The following SFT2D1 variants were observed in gnomAD, a reference collection of about 807,000 sequenced individuals.
SFT2D1 encodes SFT2 domain containing 1, also known as vesicle transport protein SFT2A.
Under a neutral mutation model 28.1 loss-of-function variants are expected in SFT2D1, and 24 were observed. The observed-to-expected ratio is 0.85, with a 90% CI of 0.62 to 1.20. SFT2D1 has a LOEUF of 1.20. Among genes scored for constraint, SFT2D1 ranks in the 50% most tolerant of loss-of-function variants. SFT2D1 has a pLI of 0.00. For synonymous variants in SFT2D1, 82 were observed against 73.7 expected (o/e 1.11, Z -0.58); for missense variants, 181 against 190.9 (o/e 0.95, Z 0.31).
intron 1 of SFT2D1, among the ~76,000 whole-genome samples, chr6:166,339,667 T>C (rs1778736452): frequency 6.6e-6 from 1 of 152,168 alleles, no homozygotes; most frequent in African/African-American, 2.4e-5. Flanking sequence ...CTGAGACCCA[T>C]CAACAGTACT....
At chr6:166,332,687 C>T (rs1778573015) in intron 1 of SFT2D1, among the ~76,000 whole-genome samples, 2 of 152,214 alleles carry the variant, frequency 1.3e-5, no homozygotes, top group South Asian at 4.1e-4. Context: ...CTTCCTCTCC[C>T]AAAACCACCA....
intron 1 of SFT2D1, chr6:166,331,549 A>G (rs1778551966): frequency 6.6e-6 from 1 of 152,600 alleles, no homozygotes. Context: ...TGGCAAAACT[A>G]AACACTTGGT....
intron 1 of SFT2D1, among the ~76,000 whole-genome samples, chr6:166,336,696 T>C (rs1343878972): frequency 2.6e-5 from 4 of 152,234 alleles, no homozygotes; most frequent in Middle Eastern, 3.4e-3. Flanking sequence ...CAGCCTCCCA[T>C]GTAGCTGGGA....
intron 7 of SFT2D1, among the ~76,000 whole-genome samples, chr6:166,320,974 G>A (rs1004217398): frequency 4.6e-5 from 7 of 152,248 alleles, no homozygotes; most frequent in African/African-American, 1.2e-4. Context: ...GCGTGGCAGC[G>A]GCAGCACGTG....
intron 2 of SFT2D1, 109 bp downstream of exon 2, chr6:166,330,051 CA>C: frequency 1.3e-6 from 1 of 748,280 alleles, no homozygotes; most frequent in South Asian, 3.0e-5. Flanking sequence ...TACCTTCCAC[CA>C]AAATGGTCTA....
chr6:166,324,995 CCTT>C (rs1778417539), intron 5 of SFT2D1, among the ~76,000 whole-genome samples: 2 of 152,134 alleles, frequency 1.3e-5, no homozygotes, highest in South Asian at 4.2e-4. Flanking sequence ...CCCATTTGCT[CCTT>C]GAGTGATATT....
intron 1 of SFT2D1, among the ~76,000 whole-genome samples, chr6:166,332,919 C>A (rs1314723336): frequency 6.6e-6 from 1 of 152,208 alleles, no homozygotes; most frequent in Non-Finnish European, 1.5e-5. Flanking sequence ...TCCCACAGCA[C>A]AGCCGAAACC....
chr6:166,332,034 C>T (rs1331463420), intron 1 of SFT2D1, among the ~76,000 whole-genome samples: 1 of 152,204 alleles, frequency 6.6e-6, no homozygotes, highest in African/African-American at 2.4e-5. Context: ...TTGCCATCTT[C>T]CGTGTATTGA....
chr6:166,319,798 G>T lies in SFT2D1; in HGVS notation c.*419C>A, dbSNP rs1446106953. 6.6e-6 allele frequency: 1 copy of T among 151,968 alleles called. No individual in the cohort carries two copies. Among genetic ancestry groups the T allele is most frequent in the Non-Finnish European group, 1.5e-5 (1 of 68,274 alleles). The allele number at this position is 151,968 out of a possible 1,614,324, so 9.4% of individuals were successfully genotyped here. A position where few individuals can be genotyped will look rare whatever the true frequency, so the allele number is the denominator to read the frequency against. ...ATATTATTTTTATTACATATAATAA[G>T]CAATTTTTAGCTTAAAATAAGTTTC... On this transcript the variant is annotated 3_prime_UTR_variant, in exon 8 of 8. Coordinates refer to ENST00000361731, the MANE Select transcript of SFT2D1 (RefSeq NM_145169.3).
chr6:166,338,864 C>G (rs1562447807), intron 1 of SFT2D1, among the ~76,000 whole-genome samples: 1 of 152,106 alleles, frequency 6.6e-6, no homozygotes, highest in Non-Finnish European at 1.5e-5. Flanking sequence ...AGGAGAGGTC[C>G]CAGAACTCTG....
chr6:166,322,190 CCTTTT>C lies in SFT2D1; in HGVS notation c.440+662_440+666del, dbSNP rs1298278254. 5.9e-5 allele frequency among the ~76,000 whole-genome samples: 9 copies of C among 152,074 alleles called. No homozygotes were observed. In the East Asian group the frequency reaches 7.7e-4, roughly 13 times the overall value. On this transcript the variant is annotated intron_variant, in intron 7 of 7. Transcript: ENST00000361731. ...GAGCCACCGCACCCAGCCGTAACTT[CCTTTT>C]CTTAAGTAGAATTTGTTTTCCTGGA...
In SFT2D1 at chr6:166,342,428, C is replaced by T. The variant is rs1778803708; in HGVS notation, c.54G>A (p.Leu18=). ...GGCGCAAGTTCGCTACCTGCGCAGTCAGGCCCTGCTCCTCGTCGTCCTGGC... is the reference window on the plus strand; with the variant it reads ...GGCGCAAGTTCGCTACCTGCGCAGTTAGGCCCTGCTCCTCGTCGTCCTGGC... ...LSGQDDEEQG[L]TAQVLDASSL... is the part of the protein sequence containing the mutation. The change falls in exon 1 of 8, where the codon CTG becomes CTA. Residue 18 remains leucine, a synonymous_variant. Coordinates refer to ENST00000361731, the MANE Select transcript of SFT2D1 (RefSeq NM_145169.3). 1 of 1,559,476 alleles carries T rather than the reference C, an allele frequency of 6.4e-7. No individual in the cohort carries two copies.
At position 166,342,499 on chromosome 6, in the gene SFT2D1, G is replaced by A. The variant is rs1367758654; in HGVS notation, c.-18C>T. The A allele has an allele frequency of 1.9e-6, 3 of 1,541,136 alleles. No individual in the cohort carries two copies. Among genetic ancestry groups the A allele is most frequent in the Admixed American group, 2.0e-5 (1 of 50,864 alleles). The stretch of plus-strand genomic sequence containing the variant: ...TTCTCCATGGCCCTGTTACAGGGCC[G>A]TAGCGGCCGCCACTCTGTTGCCTGC... On this transcript the variant is annotated 5_prime_UTR_variant, in exon 1 of 8. The change creates a new upstream start codon in the 5' untranslated region. Transcript: ENST00000361731.
chr6:166,336,470 T>G (rs1044745004), intron 1 of SFT2D1, among the ~76,000 whole-genome samples: 1 of 152,194 alleles, frequency 6.6e-6, no homozygotes, highest in Non-Finnish European at 1.5e-5. Context: ...TTTAATTCTC[T>G]TAAAAAAACA....
chr6:166,322,891 A>G lies in SFT2D1; in HGVS notation c.411-5T>C, dbSNP rs750827909. ...GGGATGTACGACAGGCTATACCTGCAAGAAATATTCAAGCATGTTGAATCT... is the reference window on the plus strand; with the variant it reads ...GGGATGTACGACAGGCTATACCTGCGAGAAATATTCAAGCATGTTGAATCT... On this transcript the variant is annotated splice_polypyrimidine_tract_variant and splice_region_variant and intron_variant, in intron 6 of 7. Coordinates refer to ENST00000361731, the MANE Select transcript of SFT2D1 (RefSeq NM_145169.3). 1.2e-6 allele frequency: 2 copies of G among 1,611,272 alleles called. No individual in the cohort carries two copies. The highest frequency in any genetic ancestry group is 1.7e-6 in the Non-Finnish European group (2 of 1,177,920).
At position 166,342,489 on chromosome 6, in the gene SFT2D1, T is replaced by C. The variant is rs1433869798; in HGVS notation, c.-8A>G. The C allele has an allele frequency of 2.6e-6, 4 of 1,548,088 alleles. No individual in the cohort carries two copies. Among genetic ancestry groups the C allele is most frequent in the East Asian group, 4.9e-5 (2 of 40,918 alleles). On this transcript the variant is annotated 5_prime_UTR_variant, in exon 1 of 8. Transcript: ENST00000361731. The stretch of plus-strand genomic sequence containing the variant: ...TCGCCGCAGCTTCTCCATGGCCCTG[T>C]TACAGGGCCGTAGCGGCCGCCACTC...
intron 6 of SFT2D1, chr6:166,324,143 AT>A (rs1332666127): frequency 6.0e-6 from 1 of 166,430 alleles, no homozygotes; most frequent in Admixed American, 6.3e-5. Flanking sequence ...CAACATCAGG[AT>A]AAATTCCACG....
chr6:166,321,329 G>C (rs1050233986), intron 7 of SFT2D1, among the ~76,000 whole-genome samples: 3 of 152,076 alleles, frequency 2.0e-5, no homozygotes, highest in African/African-American at 4.8e-5. Context: ...TATTGCTCTC[G>C]AGTGTGGGAT....
rs1778490083 is a variant in SFT2D1, at chr6:166,328,377, T to A, written c.234-20A>T. The A allele has an allele frequency of 7.0e-7, 1 of 1,431,118 alleles. No individual in the cohort carries two copies. The highest frequency in any genetic ancestry group is 1.4e-5 in the African/African-American group (1 of 69,592). The allele number at this position is 1,431,118 out of a possible 1,614,324, so 88.7% of individuals were successfully genotyped here. ...CATGTACTATTTGAAACAAATAAAG[T>A]GACTGAGGTACAGGTCTACTAATTT... On this transcript the variant is annotated intron_variant, in intron 3 of 7. Transcript: ENST00000361731.
Sources: gnomAD v4.1 joint callset for allele counts (sites outside exome capture counted in the v4.1 genomes callset) on GRCh38, gnomAD v4.1.1 for gene constraint, MANE v1.5 for transcripts, NCBI Gene and HGNC (gene_info 2026-07-23, HGNC 2026-07-21) for gene names.